Variants in CACNA2D2 observed in about 807,000 individuals in gnomAD.
The protein encoded by CACNA2D2 is calcium voltage-gated channel auxiliary subunit alpha2delta 2, also known as voltage-dependent calcium channel subunit alpha-2/delta-2.
CACNA2D2 carries 48 observed loss-of-function variants against 166.4 expected under a neutral mutation model. The ratio of observed to expected loss-of-function variants is 0.29; its 90% CI spans 0.23 to 0.37. The LOEUF (loss-of-function observed/expected upper bound fraction) is 0.37, where lower values mean the gene tolerates loss of function less well. Ranked by LOEUF, CACNA2D2 falls within the 10% of genes least tolerant of loss-of-function variation. The pLI is 1.00. For missense variants in CACNA2D2, 1,122 were observed against 1,433.0 expected, an observed-to-expected ratio of 0.78 and a Z score of 3.50; for synonymous variants, 561 against 573.7, an observed-to-expected ratio of 0.98 and a Z score of 0.32.
At chr3:50,385,505 G>C (rs1166351490) in intron 5 of CACNA2D2, among the ~76,000 whole-genome samples, 1 of 152,234 alleles carries the variant, frequency 6.6e-6, no homozygotes, top group Admixed American at 6.5e-5. Flanking sequence ...GCTGTGTCTT[G>C]TCTGGGGAAA....
intron 3 of CACNA2D2, among the ~76,000 whole-genome samples, chr3:50,396,767 T>C (rs1706177308): frequency 1.3e-5 from 2 of 152,164 alleles, no homozygotes; most frequent in Admixed American, 6.5e-5. Context: ...CCCTCCTTCC[T>C]TACCTGGTGA....
chr3:50,495,216 T>C (rs1177867459), intron 1 of CACNA2D2, among the ~76,000 whole-genome samples: 1 of 152,200 alleles, frequency 6.6e-6, no homozygotes, highest in Non-Finnish European at 1.5e-5. Flanking sequence ...TGGCATGTCC[T>C]TTCCAAGTCA....
chr3:50,452,807 G>A (rs751006409), intron 2 of CACNA2D2, among the ~76,000 whole-genome samples: 6 of 152,180 alleles, frequency 3.9e-5, no homozygotes, highest in Non-Finnish European at 7.3e-5. Flanking sequence ...ATCCCAGCAG[G>A]CTGGTTACAC....
At chr3:50,492,149 G>A (rs1433721044) in intron 1 of CACNA2D2, among the ~76,000 whole-genome samples, 1 of 152,268 alleles carries the variant, frequency 6.6e-6, no homozygotes, top group Non-Finnish European at 1.5e-5. Flanking sequence ...GCAGCACCCA[G>A]CCAAGTCTGG....
At chr3:50,456,811 C>A (rs1345408663) in intron 2 of CACNA2D2, among the ~76,000 whole-genome samples, 2 of 152,194 alleles carry the variant, frequency 1.3e-5, no homozygotes, top group East Asian at 1.9e-4. Flanking sequence ...TATGAGGCTA[C>A]CCCTGGAAAG....
chr3:50,433,772 G>C (rs116289956), intron 3 of CACNA2D2, among the ~76,000 whole-genome samples: 83 of 152,282 alleles, frequency 5.5e-4, no homozygotes, highest in Non-Finnish European at 4.6e-4. Flanking sequence ...GAGGCTGACA[G>C]GCACAACCTC....
chr3:50,440,042 C>T (rs1328201168), intron 2 of CACNA2D2, among the ~76,000 whole-genome samples: 4 of 152,242 alleles, frequency 2.6e-5, no homozygotes, highest in African/African-American at 9.6e-5. Flanking sequence ...CCTGGGGACC[C>T]TCTACCACTG....
chr3:50,445,869 C>T (rs749929706), intron 2 of CACNA2D2, among the ~76,000 whole-genome samples: 13 of 152,152 alleles, frequency 8.5e-5, no homozygotes, highest in Non-Finnish European at 1.5e-4. Context: ...AGAGGTGCTC[C>T]TGAGCAGGCT....
chr3:50,445,461 C>T (rs553808493), intron 2 of CACNA2D2, among the ~76,000 whole-genome samples: 1 of 152,356 alleles, frequency 6.6e-6, no homozygotes, highest in Admixed American at 6.5e-5. Flanking sequence ...CTGTCAGCAC[C>T]TCCTGATGCC....
intron 1 of CACNA2D2, among the ~76,000 whole-genome samples, chr3:50,495,677 AC>A (rs1350335971): frequency 6.6e-6 from 1 of 152,186 alleles, no homozygotes; most frequent in Non-Finnish European, 1.5e-5. Context: ...ACCCAAACCC[AC>A]AGCAGATACT....
chr3:50,462,520 C>T (rs1208100880), intron 2 of CACNA2D2, among the ~76,000 whole-genome samples: 1 of 151,900 alleles, frequency 6.6e-6, no homozygotes, highest in Non-Finnish European at 1.5e-5. Flanking sequence ...TTCCGCAAGG[C>T]GCAGTTCTGA....
chr3:50,375,625 C>G lies in CACNA2D2; in HGVS notation c.1907+19G>C. ...GGCCACCCCACCCTCTCTGCCCGCC[C>G]AGCCCTGGCCTCACTTACCTGTAGT... On this transcript the variant is annotated intron_variant, in intron 21 of 37. Coordinates refer to ENST00000424201, the MANE Select transcript of CACNA2D2 (RefSeq NM_006030.4). The surrounding 1 kb of genome is among the most constrained non-coding windows in gnomAD (Gnocchi z 4.0). The G allele has an allele frequency of 6.2e-7, 1 of 1,612,208 alleles. No individual in the cohort carries two copies. The highest frequency in any genetic ancestry group is 8.5e-7 in the Non-Finnish European group (1 of 1,179,626).
At chr3:50,420,690 G>C (rs936293958) in intron 3 of CACNA2D2, among the ~76,000 whole-genome samples, 1 of 152,178 alleles carries the variant, frequency 6.6e-6, no homozygotes, top group African/African-American at 2.4e-5. Context: ...GTAGGTGGAC[G>C]GACAGATGAT....
chr3:50,378,821 A>G (rs1249477412), intron 13 of CACNA2D2, 94 bp downstream of exon 13: 2 of 1,447,016 alleles, frequency 1.4e-6, no homozygotes, highest in Non-Finnish European at 1.9e-6. Flanking sequence ...GCGGGTGAAC[A>G]CACAGCTGGA....
At chr3:50,425,799 G>C (rs945556195) in intron 3 of CACNA2D2, among the ~76,000 whole-genome samples, 1 of 152,098 alleles carries the variant, frequency 6.6e-6, no homozygotes, top group African/African-American at 2.4e-5. Context: ...CTCCCTCCCT[G>C]GGGTTCATTT....
chr3:50,489,990 C>T (rs1698457175), intron 1 of CACNA2D2, among the ~76,000 whole-genome samples: 1 of 152,194 alleles, frequency 6.6e-6, no homozygotes, highest in African/African-American at 2.4e-5. Flanking sequence ...CCCCAGAGCC[C>T]ACTCAGGGCA....
chr3:50,493,387 T>C (rs1698597271), intron 1 of CACNA2D2, among the ~76,000 whole-genome samples: 1 of 152,192 alleles, frequency 6.6e-6, no homozygotes, highest in African/African-American at 2.4e-5. Context: ...TGGGCAAGGT[T>C]TCCTCCCCTC....
At chr3:50,455,572 C>T (rs913409024) in intron 2 of CACNA2D2, among the ~76,000 whole-genome samples, 1 of 152,166 alleles carries the variant, frequency 6.6e-6, no homozygotes, top group Admixed American at 6.5e-5. Flanking sequence ...TTAAACACAG[C>T]GTTACAAACA....
In CACNA2D2 at chr3:50,366,179, G is replaced by GA; in HGVS notation, c.2710-17dup. The GA allele has an allele frequency of 1.2e-6, 2 of 1,613,974 alleles. No homozygotes were observed. The highest frequency in any genetic ancestry group is 1.7e-6 in the Non-Finnish European group (2 of 1,179,958). On this transcript the variant is annotated splice_polypyrimidine_tract_variant and intron_variant, in intron 31 of 37. Coordinates refer to ENST00000424201, the MANE Select transcript of CACNA2D2 (RefSeq NM_006030.4). This position sits in a 1 kb window ranked among gnomAD's most constrained non-coding sequence, Gnocchi z 5.9. ...ACCTGCCCACCTGAGGATGTCAGGAGAAAGCCATGGTCACAGGGCTGGCAG... is the reference window on the plus strand; with the variant it reads ...ACCTGCCCACCTGAGGATGTCAGGAGAAAAGCCATGGTCACAGGGCTGGCAG...
Sources: gnomAD v4.1 joint callset for allele counts (sites outside exome capture counted in the v4.1 genomes callset) on GRCh38, gnomAD v4.1.1 for gene constraint, Gnocchi (gnomAD v3.1) non-coding constraint, MANE v1.5 for transcripts, NCBI Gene and HGNC (gene_info 2026-07-23, HGNC 2026-07-21) for gene names.